The following PCDHGB4 variants were observed in gnomAD, a reference collection of about 807,000 sequenced individuals.
The protein encoded by PCDHGB4 is protocadherin gamma subfamily B, 4.
Under a neutral mutation model 60.5 loss-of-function variants are expected in PCDHGB4, and 38 were observed. The observed-to-expected ratio is 0.63, with a 90% confidence interval of 0.48 to 0.82. The LOEUF (loss-of-function observed/expected upper bound fraction) is 0.82. PCDHGB4 is among the 40% of genes least tolerant of loss of function. The pLI, the probability that PCDHGB4 is intolerant of heterozygous loss-of-function variation, is 0.00. For synonymous variants in PCDHGB4, 456 were observed against 509.7 expected, an observed-to-expected ratio of 0.89 and a Z score of 1.42; for missense variants, 1,109 against 1,209.6, an observed-to-expected ratio of 0.92 and a Z score of 1.23.
At chr5:141,456,058 C>T (rs1488082918) in intron 1 of PCDHGB4, among the ~76,000 whole-genome samples, 3 of 151,880 alleles carry the variant, frequency 2.0e-5, no homozygotes, top group Admixed American at 6.6e-5. Context: ...CCACCACGTC[C>T]GGCTAATTTT....
Position 141,490,685 on chromosome 5 carries a change from A to G in PCDHGB4, c.2398-4122A>G, listed in dbSNP as rs2099703028. On this transcript the variant is annotated intron_variant, in intron 1 of 3. Coordinates refer to ENST00000519479, the MANE Select transcript of PCDHGB4 (RefSeq NM_003736.4). The surrounding 1 kb of genome is among the most constrained non-coding windows in gnomAD (Gnocchi z 5.4). ...TGCACTGTGGCTGCCTCAGATCCAGACACTGGGGATAATGCCCGCCTCACC... is the reference window on the plus strand; with the variant it reads ...TGCACTGTGGCTGCCTCAGATCCAGGCACTGGGGATAATGCCCGCCTCACC... The G allele has an allele frequency of 1.9e-6, 3 of 1,614,030 alleles. No individual in the cohort carries two copies. Among genetic ancestry groups the G allele is most frequent in the South Asian group, 2.2e-5 (2 of 91,082 alleles).
Position 141,437,358 on chromosome 5 carries a change from T to C in PCDHGB4, c.2397+47077T>C, listed in dbSNP as rs115917828. ...CTTCACTGTTTTATAGTACCTAAAATTGGAATGTAATCAGTCAGAAGACAT... is the reference window on the plus strand; with the variant it reads ...CTTCACTGTTTTATAGTACCTAAAACTGGAATGTAATCAGTCAGAAGACAT... On this transcript the variant is annotated intron_variant, in intron 1 of 3. Coordinates refer to ENST00000519479, the MANE Select transcript of PCDHGB4 (RefSeq NM_003736.4). 4.6e-3 allele frequency among the ~76,000 whole-genome samples: 702 copies of C among 152,356 alleles called. 4 individuals carry two copies. Among genetic ancestry groups the C allele is most frequent in the African/African-American group, 0.015 (639 of 41,574 alleles).
Position 141,489,088 on chromosome 5 carries a change from G to GCCA in PCDHGB4, c.2398-5719_2398-5718insCCA. ...CCCCTGCCCACCCCCGCCACTCGGTGACTAAGAACTGCTGCAAGCAGGCAA... is the reference window on the plus strand; with the variant it reads ...CCCCTGCCCACCCCCGCCACTCGGTGCCAACTAAGAACTGCTGCAAGCAGGCAA... On this transcript the variant is annotated intron_variant, in intron 1 of 3. Coordinates refer to ENST00000519479, the MANE Select transcript of PCDHGB4 (RefSeq NM_003736.4). This position sits in a 1 kb window ranked among gnomAD's most constrained non-coding sequence, Gnocchi z 4.5. The GCCA allele has an allele frequency of 2.9e-6, 1 of 347,238 alleles. No individual in the cohort carries two copies. 21.5% of individuals were successfully genotyped at this position (347,238 alleles called of 1,614,324 possible). A position where few individuals can be genotyped will look rare whatever the true frequency, so the allele number is the denominator to read the frequency against.
intron 1 of PCDHGB4, chr5:141,433,247 G>A (rs1393219042): frequency 2.8e-6 from 4 of 1,447,840 alleles, no homozygotes; most frequent in Non-Finnish European, 3.8e-6. Context: ...AAGCTGGAAT[G>A]CAGCGGTACG....
rs1295174277 is a variant in PCDHGB4 at position 141,390,189 on chromosome 5, G to A, written c.2305G>A (p.Glu769Lys). The A allele has an allele frequency of 1.9e-6, 3 of 1,613,922 alleles. No individual in the cohort carries two copies. Among genetic ancestry groups the A allele is most frequent in the East Asian group, 2.2e-5 (1 of 44,906 alleles). The change falls in exon 1 of 4, where the codon GAG becomes AAG. Residue 769 changes from glutamate to lysine, a missense_variant. Transcript: ENST00000519479. Reference sequence around the variant, plus strand: ...GGAGTTTAATTTCCTAAAATGTAGTGAGCAGTTGAGTTCAGGACAAGACAT... The same window carrying A: ...GGAGTTTAATTTCCTAAAATGTAGTAAGCAGTTGAGTTCAGGACAAGACAT... ...KTEFNFLKCS[E>K]QLSSGQDILC...
At position 141,491,049 on chromosome 5, in the gene PCDHGB4, G is replaced by C; in HGVS notation, c.2398-3758G>C. The C allele has an allele frequency of 1.2e-6, 2 of 1,614,116 alleles. No homozygotes were observed. Among genetic ancestry groups the C allele is most frequent in the Admixed American group, 3.3e-5 (2 of 60,024 alleles). On this transcript the variant is annotated intron_variant, in intron 1 of 3. Transcript: ENST00000519479. This position sits in a 1 kb window ranked among gnomAD's most constrained non-coding sequence, Gnocchi z 6.9. ...TGGATGCTGATGCAGGCCACAATGC[G>C]TGGCTCTCCTACTCACTGTTGCCAC...
Position 141,485,465 on chromosome 5 carries a change from C to T in PCDHGB4, c.2398-9342C>T. ...AATCGACCGAGAGGCACTGTGTGGG[C>T]TCAGTGCCAGCTGCATCGTGCCCCT... On this transcript the variant is annotated intron_variant, in intron 1 of 3. Coordinates refer to ENST00000519479, the MANE Select transcript of PCDHGB4 (RefSeq NM_003736.4). This position sits in a 1 kb window ranked among gnomAD's most constrained non-coding sequence, Gnocchi z 5.7. 6.2e-7 allele frequency: 1 copy of T among 1,614,162 alleles called. No homozygotes were observed.
chr5:141,425,500 T>C (rs2096879850), intron 1 of PCDHGB4, among the ~76,000 whole-genome samples: 1 of 152,246 alleles, frequency 6.6e-6, no homozygotes, highest in South Asian at 2.1e-4. Context: ...GCTATACCTT[T>C]ATATTCTCTT....
rs1217222336 is a variant in PCDHGB4 at position 141,389,766 on chromosome 5, C to A, written c.1882C>A (p.Arg628Ser). ...GLRTGEVRTA[R>S]ALGDRDAVRQ... ...GCGCACGGGCGAAGTGCGCACAGCG[C>A]GTGCCTTAGGCGACAGGGACGCCGT... Residue 628 changes from arginine (R) to serine (S), a missense_variant, in exon 1 of 4, where the codon CGT (arginine) becomes AGT (serine). By Grantham distance (110) the Arg-to-Ser change is moderately radical. Coordinates refer to ENST00000519479, the MANE Select transcript of PCDHGB4 (RefSeq NM_003736.4). The A allele has an allele frequency of 6.2e-7, 1 of 1,613,060 alleles. No individual in the cohort carries two copies. Among genetic ancestry groups the A allele is most frequent in the East Asian group, 2.2e-5 (1 of 44,864 alleles).
chr5:141,489,165 G>T lies in PCDHGB4; in HGVS notation c.2398-5642G>T. ...GAAGGAGACATAAGAGACTTCAGCT[G>T]CTGCATTCCAAGCCCTGGGTCTACC... On this transcript the variant is annotated intron_variant, in intron 1 of 3. Coordinates refer to ENST00000519479, the MANE Select transcript of PCDHGB4 (RefSeq NM_003736.4). This position sits in a 1 kb window ranked among gnomAD's most constrained non-coding sequence, Gnocchi z 4.5. 9.2e-7 allele frequency: 1 copy of T among 1,082,084 alleles called. No homozygotes were observed. Among genetic ancestry groups the T allele is most frequent in the Non-Finnish European group, 1.3e-6 (1 of 745,856 alleles). 67.0% of individuals were successfully genotyped at this position (1,082,084 alleles called of 1,614,324 possible).
chr5:141,390,108 A>G lies in PCDHGB4; in HGVS notation c.2224A>G (p.Ser742Gly), dbSNP rs1450933158. The G allele has an allele frequency of 6.2e-7, 1 of 1,614,030 alleles. No homozygotes were observed. The highest frequency in any genetic ancestry group is 8.5e-7 in the Non-Finnish European group (1 of 1,179,880). The change falls in exon 1 of 4, where the codon AGC becomes GGC. Residue 742 changes from serine (S) to glycine (G), a missense_variant. Ser to Gly is a moderately conservative substitution (Grantham distance 56, BLOSUM62 0). Around this residue, in one of 2 missense-constraint regions of PCDHGB4, gnomAD observed 1,068 missense variants for 1,089.9 expected, o/e 0.98. Coordinates refer to ENST00000519479, the MANE Select transcript of PCDHGB4 (RefSeq NM_003736.4). ...KSESVVPPNY[S>G]EGTLPYSYNL... is the part of the protein sequence containing the mutation. Reference sequence around the variant, plus strand: ...CGAATCCGTGGTTCCCCCCAACTACAGCGAGGGGACTTTGCCTTATTCCTA... The same window carrying G: ...CGAATCCGTGGTTCCCCCCAACTACGGCGAGGGGACTTTGCCTTATTCCTA...
Position 141,388,697 on chromosome 5 carries a change from G to T in PCDHGB4, c.813G>T (p.Glu271Asp). ...VLQVTATDQD[E>D]GVNAEITFSF... ...AGGTGACTGCCACGGACCAGGATGA[G>T]GGTGTCAATGCCGAGATTACTTTCT... is the stretch of plus-strand genomic sequence containing the variant. Residue 271 changes from glutamate (E) to aspartate (D), a missense_variant, in exon 1 of 4, where the codon GAG becomes GAT. Transcript: ENST00000519479. 6.2e-7 allele frequency: 1 copy of T among 1,613,998 alleles called. No homozygotes were observed. The highest frequency in any genetic ancestry group is 1.1e-5 in the South Asian group (1 of 91,086).
At chr5:141,433,031 T>G (rs2097561851) in intron 1 of PCDHGB4, 2 of 1,614,088 alleles carry the variant, frequency 1.2e-6, no homozygotes, top group Non-Finnish European at 8.5e-7. Flanking sequence ...CCACGAGGTT[T>G]CCCTCACCAC....
intron 1 of PCDHGB4, chr5:141,423,243 C>G (rs2096724455): frequency 6.2e-7 from 1 of 1,613,842 alleles, no homozygotes. Flanking sequence ...TCCCCGAAGT[C>G]CTGGCGGACC....
At chr5:141,484,891 C>T in intron 1 of PCDHGB4, 1 of 361,788 alleles carries the variant, frequency 2.8e-6, no homozygotes, top group Non-Finnish European at 5.0e-6. Context: ...GGGCTTTTTC[C>T]CCTCCAATGC....
chr5:141,432,286 C>T lies in PCDHGB4; in HGVS notation c.2397+42005C>T. ...TATCGTCCTACGTGTCCATCAACTCCGACACTGGGGTACTGTATGCGCTGA... is the reference window on the plus strand; with the variant it reads ...TATCGTCCTACGTGTCCATCAACTCTGACACTGGGGTACTGTATGCGCTGA... On this transcript the variant is annotated intron_variant, in intron 1 of 3. Transcript: ENST00000519479. This position sits in a 1 kb window ranked among gnomAD's most constrained non-coding sequence, Gnocchi z 6.0. 3 of 1,614,252 alleles carry T rather than the reference C, an allele frequency of 1.9e-6. No homozygotes were observed. Among genetic ancestry groups the T allele is most frequent in the Non-Finnish European group, 2.5e-6 (3 of 1,180,048 alleles).
chr5:141,447,541 A>G (rs2098542324), intron 1 of PCDHGB4, among the ~76,000 whole-genome samples: 1 of 152,218 alleles, frequency 6.6e-6, no homozygotes, highest in Non-Finnish European at 1.5e-5. Flanking sequence ...TTGGGTTTTA[A>G]TGTTATGAGT....
At chr5:141,429,396 T>A (rs2097212352) in intron 1 of PCDHGB4, among the ~76,000 whole-genome samples, 1 of 151,520 alleles carries the variant, frequency 6.6e-6, no homozygotes, top group African/African-American at 2.4e-5. Context: ...TTAAAAAAAA[T>A]TGAGATTAAG....
At chr5:141,509,486 A>G (rs1022659275) in intron 3 of PCDHGB4, among the ~76,000 whole-genome samples, 10 of 152,132 alleles carry the variant, frequency 6.6e-5, no homozygotes, top group African/African-American at 2.4e-4. Flanking sequence ...GGTAGAGGTG[A>G]TGGCATGCTG....
Sources: gnomAD v4.1 joint callset for allele counts (sites outside exome capture counted in the v4.1 genomes callset) on GRCh38, gnomAD v4.1.1 for gene constraint, gnomAD v4.1.1 regional missense constraint, Gnocchi (gnomAD v3.1) non-coding constraint, MANE v1.5 for transcripts, NCBI Gene and HGNC (gene_info 2026-07-23, HGNC 2026-07-21) for gene names.